FER1L6: variants seen among roughly 807,000 people sequenced by gnomAD.
FER1L6 encodes fer-1-like protein 6.
In FER1L6, 177 loss-of-function variants were observed where a neutral mutation model predicts 219.2. The observed-to-expected ratio is 0.81, with a 90% CI of 0.71 to 0.91. The LOEUF (loss-of-function observed/expected upper bound fraction) is 0.91, where lower values mean the gene tolerates loss of function less well. FER1L6 is among the 40% of genes least tolerant of loss of function. The pLI is 0.00. For synonymous variants in FER1L6, 768 were observed against 824.3 expected, an observed-to-expected ratio of 0.93 and a Z score of 1.17; for missense variants, 2,153 against 2,259.9, an observed-to-expected ratio of 0.95 and a Z score of 0.96.
At chr8:124,025,850 A>G (rs373922987) in intron 18 of FER1L6, among the ~76,000 whole-genome samples, 2,526 of 151,966 alleles carry the variant, frequency 0.017, 79 homozygotes, top group African/African-American at 0.058. Flanking sequence ...TATGATTCTT[A>G]GAATGAACAT....
intron 1 of FER1L6, among the ~76,000 whole-genome samples, chr8:123,926,478 C>T (rs750943964): frequency 6.6e-5 from 10 of 152,068 alleles, no homozygotes; most frequent in Admixed American, 1.3e-4. Flanking sequence ...AGTTCGTCAC[C>T]GGGAAGGCTA....
chr8:124,113,232 A>G (rs977632545), intron 39 of FER1L6, among the ~76,000 whole-genome samples: 27 of 152,226 alleles, frequency 1.8e-4, no homozygotes, highest in African/African-American at 6.3e-4. Flanking sequence ...AAATGGAACA[A>G]TGATCAGCCA....
Position 124,100,619 on chromosome 8 carries a change from G to T in FER1L6, c.4884-478G>T, listed in dbSNP as rs2130982050. On this transcript the variant is annotated intron_variant, in intron 37 of 40. Coordinates refer to ENST00000522917, the MANE Select transcript of FER1L6 (RefSeq NM_001039112.2). ...GGGAGGAGGGGACCAATTATAGTCTGATGGCATAGGTCTGACAACCCAAGC... is the reference window on the plus strand; with the variant it reads ...GGGAGGAGGGGACCAATTATAGTCTTATGGCATAGGTCTGACAACCCAAGC... Among the ~76,000 whole-genome samples, 3 of 152,260 alleles carry T rather than the reference G, an allele frequency of 2.0e-5. 1 individual carries two copies. The South Asian group carries it at 6.2e-4, about 32-fold the overall frequency.
chr8:124,066,550 G>GGTA lies in FER1L6; in HGVS notation c.3678+2_3678+4dup, dbSNP rs758541720. ...ATGCCTCCCTGAAGAAAGCCCAGAA[G>GGTA]GTAGAGTCTCCCCTACCTGTGGCAG... On this transcript the variant is annotated inframe_insertion and splice_region_variant. Transcript: ENST00000522917. 15 of 1,613,298 alleles carry GGTA rather than the reference G, an allele frequency of 9.3e-6. No homozygotes were observed. The African/African-American group carries it at 1.9e-4, about 20-fold the overall frequency.
At chr8:123,856,857 C>A (rs115327987) in intron 1 of FER1L6, among the ~76,000 whole-genome samples, 1 of 152,022 alleles carries the variant, frequency 6.6e-6, no homozygotes, top group Non-Finnish European at 1.5e-5. Flanking sequence ...CCCACTATTG[C>A]GGTGTGATGC....
At chr8:123,929,244 A>C (rs902374819) in intron 1 of FER1L6, among the ~76,000 whole-genome samples, 1 of 152,214 alleles carries the variant, frequency 6.6e-6, no homozygotes, top group South Asian at 2.1e-4. Flanking sequence ...ATGCACATGC[A>C]TGAGATGCAG....
At chr8:124,037,137 G>A (rs1819253315) in intron 19 of FER1L6, among the ~76,000 whole-genome samples, 1 of 152,220 alleles carries the variant, frequency 6.6e-6, no homozygotes, top group African/African-American at 2.4e-5. Flanking sequence ...TCAGAAAAAT[G>A]AAAACTCACA....
intron 12 of FER1L6, among the ~76,000 whole-genome samples, chr8:123,987,265 G>A (rs1219099215): frequency 2.0e-5 from 3 of 152,150 alleles, no homozygotes; most frequent in African/African-American, 7.2e-5. Context: ...TTCTCTGATG[G>A]TTAATGATGC....
rs201254129 is a variant in FER1L6 at position 123,980,626 on chromosome 8, C to T, written c.1225C>T (p.Arg409Trp). The change falls in exon 11 of 41, where the codon CGG (arginine) becomes TGG (tryptophan). Residue 409 changes from arginine to tryptophan, a missense_variant. Coordinates refer to ENST00000522917, the MANE Select transcript of FER1L6 (RefSeq NM_001039112.2). ...VEIAVEILSG[R>W]AQESKFSKAL... ...AATTGCTGTGGAAATCCTCTCAGGA[C>T]GGGCACAGGAATCTAAATTTTCCAA... The T allele has an allele frequency of 3.4e-4, 542 of 1,614,082 alleles. No homozygotes were observed. The African/African-American group carries it at 4.8e-3, about 14-fold the overall frequency.
intron 22 of FER1L6, among the ~76,000 whole-genome samples, chr8:124,058,261 T>C (rs1184944174): frequency 6.6e-6 from 1 of 152,218 alleles, no homozygotes; most frequent in Non-Finnish European, 1.5e-5. Flanking sequence ...TGTGCCACAC[T>C]GGTTCACCCT....
At chr8:124,108,835 G>A (rs762544373) in intron 39 of FER1L6, among the ~76,000 whole-genome samples, 104 of 151,854 alleles carry the variant, frequency 6.8e-4, no homozygotes, top group African/African-American at 2.0e-3. Flanking sequence ...CTATGATCAC[G>A]CCTTTGCATT....
chr8:124,045,983 TAA>T, intron 21 of FER1L6, 82 bp downstream of exon 21: 1 of 1,542,826 alleles, frequency 6.5e-7, no homozygotes, highest in Non-Finnish European at 8.8e-7. Context: ...TTAAAGTAAA[TAA>T]AGTCCTGACG....
At chr8:124,023,401 A>G in intron 17 of FER1L6, 43 bp from the exon 18 acceptor site, 1 of 1,591,522 alleles carries the variant, frequency 6.3e-7, no homozygotes, top group Non-Finnish European at 8.6e-7. Context: ...CCAACCTTTC[A>G]AATCCCATTC....
intron 12 of FER1L6, among the ~76,000 whole-genome samples, chr8:123,990,500 T>C (rs894893844): frequency 2.0e-5 from 3 of 152,216 alleles, no homozygotes; most frequent in Non-Finnish European, 2.9e-5. Context: ...TTTTTTCATA[T>C]GTTTATTGGC....
At chr8:123,991,666 A>G (rs1448763820) in intron 12 of FER1L6, among the ~76,000 whole-genome samples, 1 of 152,124 alleles carries the variant, frequency 6.6e-6, no homozygotes, top group Non-Finnish European at 1.5e-5. Context: ...TTCTTTTCCA[A>G]TTTGAATGTC....
At chr8:123,871,768 G>T (rs1306242305) in intron 1 of FER1L6, among the ~76,000 whole-genome samples, 2 of 152,166 alleles carry the variant, frequency 1.3e-5, no homozygotes, top group African/African-American at 4.8e-5. Flanking sequence ...GGAGCGAAAA[G>T]AGTCACTTTA....
At chr8:123,991,008 T>C (rs1208225701) in intron 12 of FER1L6, among the ~76,000 whole-genome samples, 1 of 152,204 alleles carries the variant, frequency 6.6e-6, no homozygotes, top group Non-Finnish European at 1.5e-5. Flanking sequence ...TTTGTCAAAA[T>C]TCAGTTGGTG....
intron 18 of FER1L6, among the ~76,000 whole-genome samples, chr8:124,029,261 G>A (rs1400881431): frequency 1.3e-5 from 2 of 152,196 alleles, no homozygotes; most frequent in African/African-American, 4.8e-5. Context: ...TGTCTTTATA[G>A]TAGAATGATT....
In FER1L6 at chr8:123,855,732, C is replaced by T. The variant is rs151197975; in HGVS notation, c.-8+3547C>T. Among the ~76,000 whole-genome samples, 942 of 140,554 alleles carry T rather than the reference C, an allele frequency of 6.7e-3. 8 individuals are homozygous for T. The highest frequency in any genetic ancestry group is 0.023 in the African/African-American group (879 of 37,474). 92.2% of individuals were successfully genotyped at this position (140,554 alleles called of 152,430 possible). On this transcript the variant is annotated intron_variant, in intron 1 of 40. Transcript: ENST00000522917. ...GTACACACACACACACACACATATACGTAATATGTGTGTATGTGTGTATAT... is the reference window on the plus strand; with the variant it reads ...GTACACACACACACACACACATATATGTAATATGTGTGTATGTGTGTATAT...
Sources: gnomAD v4.1 joint callset for allele counts (sites outside exome capture counted in the v4.1 genomes callset) on GRCh38, gnomAD v4.1.1 for gene constraint, MANE v1.5 for transcripts, NCBI Gene and HGNC (gene_info 2026-07-23, HGNC 2026-07-21) for gene names.